CDH18: variants seen among roughly 807,000 people sequenced by gnomAD.
CDH18 encodes the protein cadherin 18.
CDH18 carries 31 observed loss-of-function variants against 67.9 expected under a neutral mutation model. The ratio of observed to expected loss-of-function variants is 0.46; its 90% CI spans 0.34 to 0.62. The LOEUF is 0.62. Ranked by LOEUF, CDH18 falls within the 20% of genes least tolerant of loss-of-function variation. CDH18 has a pLI of 0.01. For missense variants in CDH18, 890 were observed against 975.5 expected, an observed-to-expected ratio of 0.91 and a Z score of 1.17; for synonymous variants, 362 against 347.2, an observed-to-expected ratio of 1.04 and a Z score of -0.48.
At chr5:19,831,723 T>G (rs536966272) in intron 3 of CDH18, among the ~76,000 whole-genome samples, 35 of 152,134 alleles carry the variant, frequency 2.3e-4, no homozygotes, top group Non-Finnish European at 4.3e-4. Flanking sequence ...ATAGAACTAC[T>G]GTTCAAACCA....
chr5:19,976,172 T>C (rs1276657996), intron 2 of CDH18, among the ~76,000 whole-genome samples: 1 of 152,188 alleles, frequency 6.6e-6, no homozygotes, highest in Non-Finnish European at 1.5e-5. Context: ...AATTAAATAA[T>C]TCTTAATTAA....
At chr5:20,247,248 C>T (rs1290781931) in intron 2 of CDH18, among the ~76,000 whole-genome samples, 4 of 152,128 alleles carry the variant, frequency 2.6e-5, no homozygotes, top group African/African-American at 4.8e-5. Flanking sequence ...ATAAAATTGG[C>T]CCTTCATTAC....
chr5:19,518,912 T>C (rs758922551), intron 10 of CDH18, among the ~76,000 whole-genome samples: 1 of 152,178 alleles, frequency 6.6e-6, no homozygotes, highest in East Asian at 1.9e-4. Flanking sequence ...TAATACATTA[T>C]GCCAACTAAA....
At chr5:19,622,715 A>C (rs1162619986) in intron 5 of CDH18, among the ~76,000 whole-genome samples, 1 of 152,128 alleles carries the variant, frequency 6.6e-6, no homozygotes, top group African/African-American at 2.4e-5. Context: ...TGAGGCATCC[A>C]GCTGGGCCTA....
At chr5:19,697,091 A>T (rs1762630695) in intron 5 of CDH18, among the ~76,000 whole-genome samples, 1 of 152,210 alleles carries the variant, frequency 6.6e-6, no homozygotes, top group African/African-American at 2.4e-5. Context: ...AGCTATAAAA[A>T]TAGTAGAAGC....
At chr5:20,043,479 G>A (rs1033264804) in intron 2 of CDH18, among the ~76,000 whole-genome samples, 1 of 152,120 alleles carries the variant, frequency 6.6e-6, no homozygotes, top group Non-Finnish European at 1.5e-5. Context: ...GGACCAGAAG[G>A]GGGCTTGATT....
Position 19,746,994 on chromosome 5 carries a change from T to G in CDH18, c.471A>C (p.Pro157=). 6.2e-7 allele frequency: 1 copy of G among 1,614,182 alleles called. No homozygotes were observed. Among genetic ancestry groups the G allele is most frequent in the Non-Finnish European group, 8.5e-7 (1 of 1,180,020 alleles). Residue 157 remains proline (P), a synonymous_variant, in exon 4 of 13, where the codon CCA becomes CCC. Coordinates refer to ENST00000382275, the MANE Select transcript of CDH18 (RefSeq NM_004934.5). ...IKVQDINDNA[P]KFTDGPYIVT... ...CAATGTATGGTCCATCTGTGAATTT[T>G]GGAGCGTTGTCATTGATGTCTTGCA...
intron 10 of CDH18, among the ~76,000 whole-genome samples, chr5:19,511,113 A>T (rs116492344): frequency 0.035 from 5,373 of 152,034 alleles, 282 homozygotes; most frequent in African/African-American, 0.12. Context: ...CACCCAGCCG[A>T]TCTGATGGTT....
intron 2 of CDH18, among the ~76,000 whole-genome samples, chr5:19,859,795 G>T (rs956783162): frequency 1.3e-5 from 2 of 152,080 alleles, no homozygotes; most frequent in African/African-American, 2.4e-5. Context: ...ATAAAACCAT[G>T]CTGTAGCCCA....
At chr5:19,605,680 T>C (rs1368923212) in intron 6 of CDH18, among the ~76,000 whole-genome samples, 3 of 152,078 alleles carry the variant, frequency 2.0e-5, no homozygotes, top group African/African-American at 7.2e-5. Flanking sequence ...GCAATTAATG[T>C]AGGGAACTCA....
chr5:20,363,256 G>T (rs1742234578), intron 1 of CDH18, among the ~76,000 whole-genome samples: 1 of 151,522 alleles, frequency 6.6e-6, no homozygotes, highest in Admixed American at 6.6e-5. Flanking sequence ...AGGCCAAGGA[G>T]GGTGAATCCC....
chr5:19,577,022 C>T (rs777387469), intron 7 of CDH18, among the ~76,000 whole-genome samples: 1 of 152,030 alleles, frequency 6.6e-6, no homozygotes, highest in Non-Finnish European at 1.5e-5. Context: ...ATCTTAGTTA[C>T]ATATGGAATC....
At chr5:19,669,817 T>A (rs1190050078) in intron 5 of CDH18, among the ~76,000 whole-genome samples, 1 of 152,190 alleles carries the variant, frequency 6.6e-6, no homozygotes, top group Non-Finnish European at 1.5e-5. Flanking sequence ...ACATACTATA[T>A]GCAAGGCTTT....
chr5:19,645,093 T>C (rs1006965457), intron 5 of CDH18, among the ~76,000 whole-genome samples: 3 of 152,178 alleles, frequency 2.0e-5, no homozygotes, highest in Non-Finnish European at 4.4e-5. Context: ...TCAAAAATGC[T>C]TAGAATAGAG....
At chr5:20,407,589 T>C (rs1261837046) in intron 1 of CDH18, among the ~76,000 whole-genome samples, 2 of 150,418 alleles carry the variant, frequency 1.3e-5, no homozygotes, top group Admixed American at 1.3e-4. Context: ...GAAATTTTAG[T>C]GAAAGAAGAA....
chr5:19,585,601 T>C (rs1744019756), intron 7 of CDH18, among the ~76,000 whole-genome samples: 1 of 152,184 alleles, frequency 6.6e-6, no homozygotes, highest in Non-Finnish European at 1.5e-5. Flanking sequence ...CTCTCTTCAG[T>C]ATCCCTAGAC....
At chr5:19,526,566 A>G (rs1747779688) in intron 9 of CDH18, among the ~76,000 whole-genome samples, 1 of 152,234 alleles carries the variant, frequency 6.6e-6, no homozygotes, top group South Asian at 2.1e-4. Context: ...CCACTTATGG[A>G]CATTGAATGG....
chr5:19,925,247 C>G (rs1054565652), intron 2 of CDH18, among the ~76,000 whole-genome samples: 1 of 152,136 alleles, frequency 6.6e-6, no homozygotes, highest in Admixed American at 6.5e-5. Flanking sequence ...CCTCAAGCTA[C>G]AGTATGTATA....
Position 20,390,171 on chromosome 5 carries a change from C to G in CDH18, c.-579-134666G>C, listed in dbSNP as rs1744711407. 2.6e-5 allele frequency among the ~76,000 whole-genome samples: 4 copies of G among 151,890 alleles called. No individual in the cohort carries two copies. In the South Asian group the frequency reaches 8.3e-4, roughly 32 times the overall value. ...ATTAAACTAAAGAGTTTCTGCACAG[C>G]AAAAGAAACTACTATCAGAGTGAAC... On this transcript the variant is annotated intron_variant, in intron 1 of 14. Transcript: ENST00000507958.
Sources: gnomAD v4.1 joint callset for allele counts (sites outside exome capture counted in the v4.1 genomes callset) on GRCh38, gnomAD v4.1.1 for gene constraint, MANE v1.5 for transcripts, NCBI Gene and HGNC (gene_info 2026-07-23, HGNC 2026-07-21) for gene names.